TRIM5: variants seen among roughly 807,000 people sequenced by gnomAD.
TRIM5 encodes the protein tripartite motif containing 5.
TRIM5 carries 31 observed loss-of-function variants against 35.6 expected under a neutral mutation model. The ratio of observed to expected loss-of-function variants is 0.87; its 90% confidence interval spans 0.65 to 1.18. The LOEUF (loss-of-function observed/expected upper bound fraction) is 1.18, where lower values mean the gene tolerates loss of function less well. Among genes scored for constraint, TRIM5 ranks in the 50% most tolerant of loss-of-function variants. TRIM5 has a pLI of 0.00. For synonymous variants in TRIM5, 243 were observed against 215.6 expected, an observed-to-expected ratio of 1.13 and a Z score of -1.11; for missense variants, 609 against 591.6, an observed-to-expected ratio of 1.03 and a Z score of -0.31.
At chr11:5,590,078 G>C in the TRIM5 span, 1 of 156,722 alleles carries the variant, frequency 6.4e-6, no homozygotes, top group African/African-American at 2.4e-5. Context: ...CACCGGCACT[G>C]CGCTCGATTT....
the TRIM5 span, among the ~76,000 whole-genome samples, chr11:5,639,679 CAAAAAAAA>C: frequency 5.1e-4 from 26 of 51,136 alleles, no homozygotes; most frequent in East Asian, 7.0e-4. Flanking sequence ...GACTCTATTT[CAAAAAAAA>C]AAAAAAAAAA....
the TRIM5 span, among the ~76,000 whole-genome samples, chr11:5,626,117 A>G: frequency 2.0e-5 from 3 of 152,258 alleles, no homozygotes; most frequent in Admixed American, 6.5e-5. Context: ...ACTCCTGGGT[A>G]GAATCCATGT....
intron 1 of TRIM5, among the ~76,000 whole-genome samples, 194 bp from the exon 2 acceptor site, chr11:5,680,432 C>A (rs772103082): frequency 5.3e-5 from 8 of 152,224 alleles, no homozygotes; most frequent in Non-Finnish European, 8.8e-5. Flanking sequence ...ACTGCCAGTT[C>A]ATGTCATATG....
the TRIM5 span, chr11:5,613,037 T>C: frequency 6.6e-6 from 1 of 152,188 alleles, no homozygotes; most frequent in African/African-American, 2.4e-5. Flanking sequence ...ATTGGACAAC[T>C]CTGGAGTAGA....
At chr11:5,674,217 A>G (rs1851771955) in intron 4 of TRIM5, among the ~76,000 whole-genome samples, 1 of 152,194 alleles carries the variant, frequency 6.6e-6, no homozygotes. Context: ...GTAGATAGAA[A>G]TGAAAGGAAT....
the TRIM5 span, among the ~76,000 whole-genome samples, chr11:5,626,110 C>A: frequency 4.6e-5 from 7 of 152,230 alleles, no homozygotes; most frequent in Non-Finnish European, 8.8e-5. Flanking sequence ...CTGCCTTACT[C>A]CTGGGTAGAA....
chr11:5,610,678 A>T, the TRIM5 span: 1 of 1,568,402 alleles, frequency 6.4e-7, no homozygotes, highest in African/African-American at 1.4e-5. Flanking sequence ...CCCGCCATAT[A>T]GTTCCAGTTC....
chr11:5,681,259 T>C (rs4992801), intron 1 of TRIM5, among the ~76,000 whole-genome samples: 84,122 of 151,950 alleles, frequency 0.55, 23,421 homozygotes, highest in African/African-American at 0.6. Context: ...TGCTGCTTCT[T>C]GCGGCCCAAT....
At chr11:5,683,525 G>T (rs1590293350) in intron 1 of TRIM5, among the ~76,000 whole-genome samples, 1 of 151,054 alleles carries the variant, frequency 6.6e-6, no homozygotes, top group African/African-American at 2.4e-5. Flanking sequence ...TTTATGTCTA[G>T]CGAAGGGATT....
At chr11:5,656,864 G>T in the TRIM5 span, among the ~76,000 whole-genome samples, 1,479 of 152,304 alleles carry the variant, frequency 9.7e-3, 17 homozygotes, top group Non-Finnish European at 0.013. Context: ...CTGTAGGTGG[G>T]AGTATAAATT....
chr11:5,596,812 A>G, the TRIM5 span: 2 of 1,606,966 alleles, frequency 1.2e-6, no homozygotes, highest in African/African-American at 2.7e-5. Flanking sequence ...CCTTAAGATT[A>G]GTTTAAGGTG....
rs1456598842 is a variant in TRIM5, at chr11:5,679,261, A to T, written c.418-92T>A. 6 of 1,162,320 alleles carry T rather than the reference A, an allele frequency of 5.2e-6. No individual in the cohort carries two copies. The East Asian group carries it at 1.4e-4, about 28-fold the overall frequency. 72.0% of individuals were successfully genotyped at this position (1,162,320 alleles called of 1,614,324 possible). A position where few individuals can be genotyped will look rare whatever the true frequency, so the allele number is the denominator to read the frequency against. On this transcript the variant is annotated intron_variant, in intron 2 of 7. Transcript: ENST00000380034. ...ATGAAATAAATCAGGTTGATCTCAG[A>T]AGAAACAAATTTGCAGAAACTGTGA...
chr11:5,625,555 G>C, the TRIM5 span, among the ~76,000 whole-genome samples: 332 of 152,238 alleles, frequency 2.2e-3, 4 homozygotes, highest in African/African-American at 7.6e-3. Flanking sequence ...CACGGCCAGG[G>C]GTTGAAGTGG....
chr11:5,664,707 C>G lies in TRIM5; in HGVS notation c.*102G>C. On this transcript the variant is annotated 3_prime_UTR_variant, in exon 8 of 8. Coordinates refer to ENST00000380034, the MANE Select transcript of TRIM5 (RefSeq NM_033034.3). ...GACGTTCAAATAGAAAGAAGGGAGACAGCAAGGAAAAGATGGTTAAAATGA... is the reference window on the plus strand; with the variant it reads ...GACGTTCAAATAGAAAGAAGGGAGAGAGCAAGGAAAAGATGGTTAAAATGA... 2 of 1,479,786 alleles carry G rather than the reference C, an allele frequency of 1.4e-6. No homozygotes were observed. Among genetic ancestry groups the G allele is most frequent in the Middle Eastern group, 2.5e-4 (1 of 4,004 alleles). The allele number at this position is 1,479,786 out of a possible 1,614,324, so 91.7% of individuals were successfully genotyped here.
At chr11:5,632,344 A>C in the TRIM5 span, 2 of 1,613,984 alleles carry the variant, frequency 1.2e-6, no homozygotes, top group East Asian at 2.2e-5. Flanking sequence ...GGCTTCAAAA[A>C]TCTTGCTTAA....
chr11:5,600,483 C>T, the TRIM5 span, among the ~76,000 whole-genome samples: 2 of 152,152 alleles, frequency 1.3e-5, no homozygotes, highest in African/African-American at 4.8e-5. Flanking sequence ...GTTTTCGGCT[C>T]GCTAGATCCC....
At chr11:5,604,119 C>A in the TRIM5 span, among the ~76,000 whole-genome samples, 1 of 152,130 alleles carries the variant, frequency 6.6e-6, no homozygotes, top group East Asian at 1.9e-4. Context: ...CCTGGCCTCC[C>A]AAGTAGCTAG....
chr11:5,608,347 C>G, the TRIM5 span: 1 of 1,613,116 alleles, frequency 6.2e-7, no homozygotes. Context: ...TACTCCTTGA[C>G]TTAACCTGTC....
the TRIM5 span, among the ~76,000 whole-genome samples, chr11:5,652,614 T>C: frequency 6.6e-6 from 1 of 152,308 alleles, no homozygotes; most frequent in Admixed American, 6.5e-5. Flanking sequence ...TCCAGCTTTG[T>C]TCTTTTTGCA....
Sources: allele counts gnomAD v4.1 joint callset (sites outside exome capture counted in the v4.1 genomes callset), GRCh38; gene constraint gnomAD v4.1.1; transcripts MANE v1.5; gene names NCBI Gene and HGNC (gene_info 2026-07-23, HGNC 2026-07-21).